The following TEP1 variants were observed in gnomAD, a reference collection of about 807,000 sequenced individuals.
TEP1 encodes telomerase protein component 1.
A neutral mutation model predicts 306.3 loss-of-function variants in TEP1; 241 were observed. That is an observed-to-expected ratio of 0.79 (90% CI 0.71 to 0.88). The LOEUF (loss-of-function observed/expected upper bound fraction) is 0.88. Among genes scored for constraint, TEP1 ranks in the 40% least tolerant of loss-of-function variants. The pLI is 0.00. For missense variants in TEP1, 3,051 were observed against 3,276.1 expected (o/e 0.93, Z 1.68); for synonymous variants, 1,289 against 1,305.5 (o/e 0.99, Z 0.27).
At chr14:20,392,004 G>C (rs1414646363) in intron 12 of TEP1, among the ~76,000 whole-genome samples, 8 of 152,172 alleles carry the variant, frequency 5.3e-5, no homozygotes, top group African/African-American at 1.9e-4. Context: ...GAAGTCACCT[G>C]TAGACCCACT....
At chr14:20,404,492 A>G (rs1879012444) in intron 5 of TEP1, 119 bp downstream of exon 5, 1 of 1,281,842 alleles carries the variant, frequency 7.8e-7, no homozygotes, top group African/African-American at 1.5e-5. Flanking sequence ...CTGTCTGGGC[A>G]CCAATGCTGA....
In TEP1 at chr14:20,390,667, G is replaced by A. The variant is rs1877626169; in HGVS notation, c.2334+14C>T. 3.1e-6 allele frequency: 5 copies of A among 1,612,788 alleles called. No individual in the cohort carries two copies. The highest frequency in any genetic ancestry group is 2.2e-5 in the South Asian group (2 of 91,056). On this transcript the variant is annotated intron_variant, in intron 15 of 54. Transcript: ENST00000262715. ...GTGGGGGAGGGAGAGGGTTTCTCAGGGATTAATACTCACAGGAACCCTTTG... is the reference window on the plus strand; with the variant it reads ...GTGGGGGAGGGAGAGGGTTTCTCAGAGATTAATACTCACAGGAACCCTTTG...
chr14:20,410,431 C>CT (rs988405059), intron 1 of TEP1, among the ~76,000 whole-genome samples: 28 of 150,632 alleles, frequency 1.9e-4, no homozygotes, highest in African/African-American at 4.4e-4. Flanking sequence ...AGTGAGACTC[C>CT]TTTTTTTTTG....
chr14:20,396,921 A>G (rs567865042), intron 9 of TEP1, among the ~76,000 whole-genome samples, 191 bp from the exon 10 acceptor site: 2 of 152,212 alleles, frequency 1.3e-5, no homozygotes, highest in Admixed American at 1.3e-4. Context: ...AGGGATGATT[A>G]GAGAGAGGTC....
At position 20,378,485 on chromosome 14, in the gene TEP1, C is replaced by G. The variant is rs1030018526; in HGVS notation, c.5403G>C (p.Lys1801Asn). The G allele has an allele frequency of 1.2e-6, 2 of 1,614,094 alleles. No individual in the cohort carries two copies. Among genetic ancestry groups the G allele is most frequent in the African/African-American group, 2.7e-5 (2 of 74,932 alleles). Residue 1801 changes from lysine to asparagine, a missense_variant, in exon 38 of 55, where the codon AAG (lysine) becomes AAC (asparagine). By Grantham distance (94) the Lys-to-Asn change is moderately conservative. Coordinates refer to ENST00000262715, the MANE Select transcript of TEP1 (RefSeq NM_007110.5). Reference protein sequence around the residue: ...GQLAFQHTYPKSLNCVAFHPE... With the variant: ...GQLAFQHTYPNSLNCVAFHPE... ...GGTGGAAGGCAACACAGTTCAGGGA[C>G]TTGGGGTAGGTGTGCTGGAAGGCCA...
At chr14:20,385,690 T>C (rs1036632101) in intron 20 of TEP1, among the ~76,000 whole-genome samples, 1 of 152,232 alleles carries the variant, frequency 6.6e-6, no homozygotes, top group East Asian at 1.9e-4. Context: ...AGACTTTCAA[T>C]TCTCATAATA....
intron 27 of TEP1, 109 bp from the exon 28 acceptor site, chr14:20,382,824 G>A (rs946008405): frequency 1.1e-5 from 11 of 957,700 alleles, no homozygotes; most frequent in Non-Finnish European, 1.8e-5. Flanking sequence ...AGAGTCCCCA[G>A]CAGACGCCAG....
rs113110653 is a variant in TEP1 at position 20,369,299 on chromosome 14, C to T, written c.7656+45G>A. On this transcript the variant is annotated intron_variant, in intron 53 of 54. Coordinates refer to ENST00000262715, the MANE Select transcript of TEP1 (RefSeq NM_007110.5). ...CTGGGATTATAGGTGTGAGCCACTGCTCCCAGCCCTCCCCTAGTATTTCTG... is the reference window on the plus strand; with the variant it reads ...CTGGGATTATAGGTGTGAGCCACTGTTCCCAGCCCTCCCCTAGTATTTCTG... 6,150 of 1,602,114 alleles carry T rather than the reference C, an allele frequency of 3.8e-3. 221 individuals are homozygous for T. In the African/African-American group the frequency reaches 0.073, roughly 19 times the overall value.
At chr14:20,379,262 C>T (rs1167114519) in intron 35 of TEP1, among the ~76,000 whole-genome samples, 157 bp from the exon 36 acceptor site, 2 of 152,230 alleles carry the variant, frequency 1.3e-5, no homozygotes, top group Admixed American at 6.5e-5. Context: ...GTGGGGGCCT[C>T]GTGATCCAAG....
intron 19 of TEP1, 108 bp from the exon 20 acceptor site, chr14:20,386,303 AG>A (rs1877142109): frequency 2.5e-6 from 4 of 1,593,936 alleles, no homozygotes; most frequent in Non-Finnish European, 3.4e-6. Flanking sequence ...AGTAAAGAAA[AG>A]GTAGGCTGCT....
intron 42 of TEP1, 68 bp downstream of exon 42, chr14:20,376,036 G>T: frequency 6.3e-7 from 1 of 1,574,998 alleles, no homozygotes. Context: ...AATGGGAAAT[G>T]GGTTGTTAAG....
chr14:20,383,908 A>G lies in TEP1; in HGVS notation c.3545T>C (p.Val1182Ala), dbSNP rs1876850480. Reference sequence around the variant, plus strand: ...CCCATCAGGAGCCTGCAGGGCTGACACAAGAGATGCCTGCATGGGACAGGA... The same window carrying G: ...CCCATCAGGAGCCTGCAGGGCTGACGCAAGAGATGCCTGCATGGGACAGGA... ...QGKTAFLASLVSALQAPDGAK... is the reference protein window; with the variant it reads ...QGKTAFLASLASALQAPDGAK... Residue 1182 changes from valine to alanine, a missense_variant, in exon 25 of 55, where the codon GTG becomes GCG. Around this residue, in one of 3 missense-constraint regions of TEP1, gnomAD observed 1,507 missense variants for 1,550.5 expected, o/e 0.97. Coordinates refer to ENST00000262715, the MANE Select transcript of TEP1 (RefSeq NM_007110.5). 5 of 1,599,836 alleles carry G rather than the reference A, an allele frequency of 3.1e-6. No individual in the cohort carries two copies. Among genetic ancestry groups the G allele is most frequent in the Non-Finnish European group, 4.2e-6 (5 of 1,178,552 alleles).
At chr14:20,406,480 G>A in intron 2 of TEP1, 80 bp from the exon 3 acceptor site, 1 of 1,480,380 alleles carries the variant, frequency 6.8e-7, no homozygotes, top group Non-Finnish European at 9.3e-7. Flanking sequence ...GGCAGCACCA[G>A]GCCACGGGAA....
At chr14:20,391,363 A>G (rs1290899089) in intron 13 of TEP1, among the ~76,000 whole-genome samples, 1 of 152,190 alleles carries the variant, frequency 6.6e-6, no homozygotes, top group Non-Finnish European at 1.5e-5. Context: ...AAATTTAGAG[A>G]GTACCAAGTA....
intron 25 of TEP1, 35 bp downstream of exon 25, chr14:20,383,708 C>T: frequency 6.2e-7 from 1 of 1,608,276 alleles, no homozygotes. Flanking sequence ...GGTACGTGGG[C>T]ATCAACAAGG....
At position 20,403,703 on chromosome 14, in the gene TEP1, G is replaced by C; in HGVS notation, c.1194+20C>G. On this transcript the variant is annotated intron_variant, in intron 6 of 54. Coordinates refer to ENST00000262715, the MANE Select transcript of TEP1 (RefSeq NM_007110.5). ...CCTGGAGAAAAGGGGCGTGGGTCGA[G>C]GGCTGGGGCAGTGACTGACTGGAGA... The C allele has an allele frequency of 1.2e-6, 2 of 1,613,088 alleles. No homozygotes were observed. The highest frequency in any genetic ancestry group is 1.7e-6 in the Non-Finnish European group (2 of 1,179,968).
At chr14:20,393,988 G>A (rs913703715) in intron 12 of TEP1, among the ~76,000 whole-genome samples, 1 of 152,108 alleles carries the variant, frequency 6.6e-6, no homozygotes, top group Admixed American at 6.5e-5. Flanking sequence ...TTGGGAGGCT[G>A]AGGCAGGAGA....
chr14:20,368,855 C>A lies in TEP1; in HGVS notation c.7704G>T (p.Leu2568=). 1 of 1,614,024 alleles carries A rather than the reference C, an allele frequency of 6.2e-7. No homozygotes were observed. The highest frequency in any genetic ancestry group is 8.5e-7 in the Non-Finnish European group (1 of 1,180,014). The change falls in exon 54 of 55, where the codon CTG becomes CTT. Residue 2568 remains leucine, a synonymous_variant. Transcript: ENST00000262715. The stretch of plus-strand genomic sequence containing the variant: ...CATCTCTGTCCTTCGAAGCTGTCAC[C>A]AGCAACTCAGGTAGCACATGGAGGG... ...VTALHVLPEL[L]VTASKDRDVK... is the part of the protein sequence containing the mutation.
In TEP1 at chr14:20,378,540, G is replaced by T; in HGVS notation, c.5353-5C>A. 6.2e-7 allele frequency: 1 copy of T among 1,614,128 alleles called. No homozygotes were observed. Among genetic ancestry groups the T allele is most frequent in the Non-Finnish European group, 8.5e-7 (1 of 1,180,016 alleles). ...CCCACGGACTGTGTCCCACAGCTGAGGGAGAGAGAGGAGGAATCAGGATGC... is the reference window on the plus strand; with the variant it reads ...CCCACGGACTGTGTCCCACAGCTGATGGAGAGAGAGGAGGAATCAGGATGC... On this transcript the variant is annotated splice_region_variant and splice_polypyrimidine_tract_variant and intron_variant, in intron 37 of 54. Coordinates refer to ENST00000262715, the MANE Select transcript of TEP1 (RefSeq NM_007110.5).
Sources: allele counts gnomAD v4.1 joint callset (sites outside exome capture counted in the v4.1 genomes callset), GRCh38; gene constraint gnomAD v4.1.1; regional missense constraint gnomAD v4.1.1; transcripts MANE v1.5; gene names NCBI Gene and HGNC (gene_info 2026-07-23, HGNC 2026-07-21).